CDH10: variants seen among roughly 807,000 people sequenced by gnomAD.
CDH10 encodes cadherin 10.
A neutral mutation model predicts 73.1 loss-of-function variants in CDH10; 30 were observed. That is an observed-to-expected ratio of 0.41 (90% CI 0.31 to 0.56). CDH10 has a LOEUF of 0.56. CDH10 is among the 20% of genes least tolerant of loss of function. The probability of loss-of-function intolerance (pLI) is 0.27; values close to 1 mark genes in which losing one functional copy is unlikely to be tolerated. For synonymous variants in CDH10, 345 were observed against 348.2 expected (o/e 0.99, Z 0.10); for missense variants, 815 against 973.7 (o/e 0.84, Z 2.17).
intron 2 of CDH10, among the ~76,000 whole-genome samples, chr5:24,583,033 C>T (rs1745859360): frequency 6.6e-6 from 1 of 151,688 alleles, no homozygotes; most frequent in South Asian, 2.1e-4. Flanking sequence ...TGTCAAATAG[C>T]ACCTGTCATA....
intron 1 of CDH10, among the ~76,000 whole-genome samples, chr5:24,642,753 C>T (rs1748093530): frequency 1.3e-5 from 2 of 152,102 alleles, no homozygotes; most frequent in South Asian, 4.1e-4. Context: ...GGTGGATGCT[C>T]ATACAGTTTA....
chr5:24,593,228 T>C (rs1746258817), intron 2 of CDH10, 32 bp downstream of exon 2: 1 of 1,216,612 alleles, frequency 8.2e-7, no homozygotes, highest in Admixed American at 1.7e-5. Context: ...AAAGAGCAAA[T>C]ATAAACACGT....
At chr5:24,556,909 T>C (rs1410266605) in intron 2 of CDH10, among the ~76,000 whole-genome samples, 2 of 151,810 alleles carry the variant, frequency 1.3e-5, no homozygotes, top group Admixed American at 1.3e-4. Context: ...AGTATTTCTA[T>C]ATATATTCCC....
intron 1 of CDH10, among the ~76,000 whole-genome samples, chr5:24,630,302 C>T (rs763333716): frequency 6.6e-6 from 1 of 152,006 alleles, no homozygotes; most frequent in Non-Finnish European, 1.5e-5. Context: ...AATCCCAGCA[C>T]TTTGTAATCC....
chr5:24,620,280 A>G (rs16893665), intron 1 of CDH10, among the ~76,000 whole-genome samples: 8,253 of 152,258 alleles, frequency 0.054, 292 homozygotes, highest in South Asian at 0.17. Context: ...CATCTATTAT[A>G]GTTTGACAAA....
intron 2 of CDH10, among the ~76,000 whole-genome samples, chr5:24,546,625 T>A (rs1291885865): frequency 1.3e-5 from 2 of 152,178 alleles, no homozygotes; most frequent in Admixed American, 1.3e-4. Flanking sequence ...TATGTATATA[T>A]AACTGAGCAT....
rs1561147020 is a variant in CDH10, at chr5:24,535,687, A to G, written c.646+16T>C. 1.9e-6 allele frequency: 3 copies of G among 1,599,456 alleles called. No individual in the cohort carries two copies. Among genetic ancestry groups the G allele is most frequent in the Non-Finnish European group, 2.6e-6 (3 of 1,173,332 alleles). On this transcript the variant is annotated intron_variant, in intron 4 of 11. Transcript: ENST00000264463. The stretch of plus-strand genomic sequence containing the variant: ...AAGATGATCAAATGAACAAACAGCA[A>G]TTCATGATTCCTGACCTGTTTCAGG...
chr5:24,601,288 A>G (rs1157358572), intron 1 of CDH10, among the ~76,000 whole-genome samples: 2 of 152,158 alleles, frequency 1.3e-5, no homozygotes, highest in Admixed American at 1.3e-4. Context: ...ACAGATAAGG[A>G]AACAGTTTAA....
At chr5:24,490,845 C>T (rs939837316) in intron 11 of CDH10, among the ~76,000 whole-genome samples, 7 of 152,060 alleles carry the variant, frequency 4.6e-5, no homozygotes, top group South Asian at 2.1e-4. Context: ...ACAGGAATGC[C>T]GATGGGAAGT....
intron 5 of CDH10, among the ~76,000 whole-genome samples, chr5:24,534,008 T>C (rs1276705312): frequency 6.6e-6 from 1 of 152,058 alleles, no homozygotes; most frequent in Admixed American, 6.6e-5. Flanking sequence ...TTTTAAACAA[T>C]TTAATTTGAA....
rs1035525274 is a variant in CDH10 at position 24,522,816 on chromosome 5, G to A, written c.815-11302C>T. 3.9e-5 allele frequency among the ~76,000 whole-genome samples: 6 copies of A among 152,238 alleles called. No individual in the cohort carries two copies. The South Asian group carries it at 1.0e-3, about 26-fold the overall frequency. ...TTCTCTTTGACCTTTGGGAGCAATGGTATGCTCTGCTATAAATTTTAGCAC... is the reference window on the plus strand; with the variant it reads ...TTCTCTTTGACCTTTGGGAGCAATGATATGCTCTGCTATAAATTTTAGCAC... On this transcript the variant is annotated intron_variant, in intron 5 of 11. Coordinates refer to ENST00000264463, the MANE Select transcript of CDH10 (RefSeq NM_006727.5).
In CDH10 at chr5:24,593,522, G is replaced by C. The variant is rs2112094910; in HGVS notation, c.-32C>G. 8.2e-7 allele frequency: 1 copy of C among 1,222,830 alleles called. No homozygotes were observed. Among genetic ancestry groups the C allele is most frequent in the Non-Finnish European group, 1.2e-6 (1 of 826,742 alleles). 75.7% of individuals were successfully genotyped at this position (1,222,830 alleles called of 1,614,324 possible). On this transcript the variant is annotated 5_prime_UTR_variant, in exon 2 of 12. Coordinates refer to ENST00000264463, the MANE Select transcript of CDH10 (RefSeq NM_006727.5). ...CTTCTTGACAAATCCCAGTGTAGATGAAGAGAAGTGGTCCTATTTTACCCA... is the reference window on the plus strand; with the variant it reads ...CTTCTTGACAAATCCCAGTGTAGATCAAGAGAAGTGGTCCTATTTTACCCA...
At chr5:24,560,593 T>C (rs2111985979) in intron 2 of CDH10, among the ~76,000 whole-genome samples, 1 of 152,188 alleles carries the variant, frequency 6.6e-6, no homozygotes, top group African/African-American at 2.4e-5. Flanking sequence ...ATTCTCAAAT[T>C]ACAGCTTGTA....
rs1308739908 is a variant in CDH10 at position 24,529,989 on chromosome 5, A to ATGGAAAAG, written c.814+5122_814+5123insCTTTTCCA. 2.8e-5 allele frequency among the ~76,000 whole-genome samples: 4 copies of ATGGAAAAG among 144,426 alleles called. No individual in the cohort carries two copies. In the East Asian group the frequency reaches 8.2e-4, roughly 29 times the overall value. The allele number at this position is 144,426 out of a possible 152,430, so 94.7% of individuals were successfully genotyped here. A position where few individuals can be genotyped will look rare whatever the true frequency, so the allele number is the denominator to read the frequency against. Reference sequence around the variant, plus strand: ...TGATGGGATGTATGGAAAAGCACCTACCTGTGAATAAAAGGCTCTATTTTT... The same window carrying ATGGAAAAG: ...TGATGGGATGTATGGAAAAGCACCTATGGAAAAGCCTGTGAATAAAAGGCTCTATTTTT... On this transcript the variant is annotated intron_variant, in intron 5 of 11. Transcript: ENST00000264463.
rs116358103 is a variant in CDH10 at position 24,610,773 on chromosome 5, A to T, written c.-123-17160T>A. ...AGGGGATAGGGAAGACAGTTTGGAG[A>T]TGTGAAGAAGTTAGAAAAATGTAAA... On this transcript the variant is annotated intron_variant, in intron 1 of 11. Transcript: ENST00000264463. 2.0e-3 allele frequency among the ~76,000 whole-genome samples: 309 copies of T among 152,228 alleles called. 1 individual carries two copies. Among genetic ancestry groups the T allele is most frequent in the African/African-American group, 7.1e-3 (293 of 41,542 alleles).
intron 2 of CDH10, among the ~76,000 whole-genome samples, chr5:24,569,901 C>T (rs1005041167): frequency 2.6e-5 from 4 of 151,882 alleles, no homozygotes; most frequent in Non-Finnish European, 4.4e-5. Flanking sequence ...TTGCATGGGA[C>T]GACAGGCGCG....
chr5:24,511,112 A>G (rs756699634), intron 6 of CDH10, among the ~76,000 whole-genome samples: 1 of 152,198 alleles, frequency 6.6e-6, no homozygotes, highest in Non-Finnish European at 1.5e-5. Flanking sequence ...TATTTTCTAA[A>G]GTTTCAGGTT....
chr5:24,529,134 G>C (rs1390735181), intron 5 of CDH10, among the ~76,000 whole-genome samples: 2 of 151,850 alleles, frequency 1.3e-5, no homozygotes. Flanking sequence ...TTTTTACACT[G>C]TTGCTGTTTT....
chr5:24,531,855 CT>C (rs1743766497), intron 5 of CDH10, among the ~76,000 whole-genome samples: 2 of 152,026 alleles, frequency 1.3e-5, no homozygotes, highest in African/African-American at 4.8e-5. Context: ...TGAATTGCCC[CT>C]CATATGACAT....
Sources: gnomAD v4.1 joint callset for allele counts (sites outside exome capture counted in the v4.1 genomes callset) on GRCh38, gnomAD v4.1.1 for gene constraint, MANE v1.5 for transcripts, NCBI Gene and HGNC (gene_info 2026-07-23, HGNC 2026-07-21) for gene names.